PIWIL4: variants seen among roughly 807,000 people sequenced by gnomAD.
PIWIL4 encodes the protein piwi like RNA-mediated gene silencing 4.
Under a neutral mutation model 100.9 loss-of-function variants are expected in PIWIL4, and 50 were observed. The observed-to-expected ratio is 0.50, with a 90% CI of 0.39 to 0.63. The LOEUF is 0.63. Among genes scored for constraint, PIWIL4 ranks in the 20% least tolerant of loss-of-function variants. The pLI is 0.00. For missense variants in PIWIL4, 887 were observed against 1,043.3 expected, an observed-to-expected ratio of 0.85 and a Z score of 2.06; for synonymous variants, 342 against 367.5, an observed-to-expected ratio of 0.93 and a Z score of 0.79.
In PIWIL4 at chr11:94,587,139, G is replaced by A. The variant is rs200530015; in HGVS notation, c.806G>A (p.Arg269Gln). 136 of 1,613,964 alleles carry A rather than the reference G, an allele frequency of 8.4e-5. No homozygotes were observed. In the Admixed American group the frequency reaches 1.5e-3, roughly 18 times the overall value. The change falls in exon 7 of 20, where the codon CGG (arginine) becomes CAG (glutamine). Residue 269 changes from arginine (R) to glutamine (Q), a missense_variant. This residue lies in a region of PIWIL4 where 741 missense variants were observed against 930.0 expected (regional missense o/e 0.80). Coordinates refer to ENST00000299001, the MANE Select transcript of PIWIL4 (RefSeq NM_152431.3). ...FSADVSYKVL[R>Q]NETVLEFMTA... ...GCTGATGTGAGTTACAAAGTCCTCC[G>A]GAATGAGACGGTTCTGGAATTCATG...
chr11:94,607,634 A>G lies in PIWIL4; in HGVS notation c.1834A>G (p.Ile612Val). The G allele has an allele frequency of 6.2e-7, 1 of 1,613,986 alleles. No homozygotes were observed. The highest frequency in any genetic ancestry group is 8.5e-7 in the Non-Finnish European group (1 of 1,179,920). Residue 612 changes from isoleucine to valine, a missense_variant, in exon 14 of 20, where the codon ATA (isoleucine) becomes GTA (valine). By Grantham distance (29) the Ile-to-Val change is conservative. This residue lies in a region of PIWIL4 where 741 missense variants were observed against 930.0 expected (regional missense o/e 0.80). Coordinates refer to ENST00000299001, the MANE Select transcript of PIWIL4 (RefSeq NM_152431.3). The part of the protein sequence containing the change: ...KLGGELWAVE[I>V]PLKSLMVVGI... ...CGGAGGCGAGCTGTGGGCTGTGGAA[A>G]TACCTGTAAGGACCCTGTCACATTT...
chr11:94,586,504 T>C (rs1181344641), intron 6 of PIWIL4, among the ~76,000 whole-genome samples: 2 of 152,214 alleles, frequency 1.3e-5, no homozygotes, highest in South Asian at 2.1e-4. Context: ...ACTTTTGTAT[T>C]TTTTAATCTC....
At chr11:94,581,089 G>A (rs140027080) in intron 4 of PIWIL4, among the ~76,000 whole-genome samples, 19 of 151,890 alleles carry the variant, frequency 1.3e-4, no homozygotes, top group African/African-American at 4.6e-4. Flanking sequence ...TAGTAGAGAC[G>A]CGGTTTCACC....
At chr11:94,599,799 A>G (rs760898394) in intron 11 of PIWIL4, among the ~76,000 whole-genome samples, 10 of 152,216 alleles carry the variant, frequency 6.6e-5, no homozygotes, top group Non-Finnish European at 1.3e-4. Flanking sequence ...ATAACCTCTC[A>G]GTCACAGCTT....
At chr11:94,571,738 A>G (rs1163078611) in intron 2 of PIWIL4, among the ~76,000 whole-genome samples, 1 of 152,228 alleles carries the variant, frequency 6.6e-6, no homozygotes, top group Non-Finnish European at 1.5e-5. Flanking sequence ...TAGTGCCACA[A>G]TAAACATACG....
At chr11:94,613,331 C>T (rs980451987) in intron 15 of PIWIL4, among the ~76,000 whole-genome samples, 1 of 152,168 alleles carries the variant, frequency 6.6e-6, no homozygotes, top group Non-Finnish European at 1.5e-5. Flanking sequence ...CTGCTGATAG[C>T]CTATGAGGGT....
At chr11:94,591,025 G>A (rs565776970) in intron 8 of PIWIL4, among the ~76,000 whole-genome samples, 3 of 150,248 alleles carry the variant, frequency 2.0e-5, no homozygotes, top group Non-Finnish European at 4.4e-5. Flanking sequence ...CTACCTTCAT[G>A]GTGTAGTGTA....
chr11:94,613,363 C>G (rs573583180), intron 15 of PIWIL4, among the ~76,000 whole-genome samples: 1 of 152,280 alleles, frequency 6.6e-6, no homozygotes, highest in African/African-American at 2.4e-5. Flanking sequence ...TAATAAGCCT[C>G]TCTTCTTGCT....
intron 11 of PIWIL4, among the ~76,000 whole-genome samples, chr11:94,599,506 G>T (rs868329062): frequency 6.6e-6 from 1 of 152,226 alleles, no homozygotes; most frequent in African/African-American, 2.4e-5. Context: ...ACAGCAGGAA[G>T]AAATGTTGTG....
chr11:94,604,052 A>C lies in PIWIL4; in HGVS notation c.1634A>C (p.Gln545Pro), dbSNP rs760065387. Residue 545 changes from glutamine (Q) to proline (P), a missense_variant, in exon 13 of 20, where the codon CAG becomes CCG. By Grantham distance (76) the Gln-to-Pro change is moderately conservative. This residue lies in a region of PIWIL4 where 741 missense variants were observed against 930.0 expected (regional missense o/e 0.80). Coordinates refer to ENST00000299001, the MANE Select transcript of PIWIL4 (RefSeq NM_152431.3). Reference protein sequence around the residue: ...AIQQYVDPDVQLVMCILPSNQ... With the variant: ...AIQQYVDPDVPLVMCILPSNQ... ...CAGCAATATGTTGATCCTGATGTTC[A>C]GCTGGTAAGTACAGGATACTTTTTG... 1 of 1,599,074 alleles carries C rather than the reference A, an allele frequency of 6.3e-7. No individual in the cohort carries two copies. The highest frequency in any genetic ancestry group is 1.1e-5 in the South Asian group (1 of 89,754).
intron 9 of PIWIL4, among the ~76,000 whole-genome samples, chr11:94,594,230 G>A (rs2135271202): frequency 6.6e-6 from 1 of 152,158 alleles, no homozygotes; most frequent in East Asian, 2.0e-4. Flanking sequence ...ATTTTGGGAG[G>A]CCAAGGCGGG....
intron 5 of PIWIL4, among the ~76,000 whole-genome samples, chr11:94,583,788 AAG>A (rs1948359621): frequency 1.3e-5 from 2 of 152,190 alleles, no homozygotes; most frequent in African/African-American, 4.8e-5. Context: ...GTATTGTCCT[AAG>A]TTGAGACAAA....
At chr11:94,612,670 T>G (rs1443507785) in intron 15 of PIWIL4, among the ~76,000 whole-genome samples, 2 of 152,186 alleles carry the variant, frequency 1.3e-5, no homozygotes, top group Non-Finnish European at 2.9e-5. Context: ...TGCAATAGTA[T>G]GCTTTACTCC....
chr11:94,609,383 C>G (rs2135295508), intron 15 of PIWIL4, among the ~76,000 whole-genome samples: 1 of 152,266 alleles, frequency 6.6e-6, no homozygotes, highest in South Asian at 2.1e-4. Context: ...ATTGTTTCCA[C>G]CTTTGTAATT....
chr11:94,579,399 A>G (rs2135246672), intron 4 of PIWIL4, among the ~76,000 whole-genome samples: 1 of 151,866 alleles, frequency 6.6e-6, no homozygotes, highest in African/African-American at 2.4e-5. Context: ...TTCTAAAACA[A>G]TGTTACAATT....
At position 94,607,576 on chromosome 11, in the gene PIWIL4, C is replaced by T; in HGVS notation, c.1776C>T (p.Ala592=). The change falls in exon 14 of 20, where the codon GCC becomes GCT. Residue 592 remains alanine, a synonymous_variant. Transcript: ENST00000299001. ...LNKQGMMMSI[A]TKIAMQMTCK... ...AACAGGGCATGATGATGAGTATCGC[C>T]ACCAAGATCGCTATGCAGATGACTT... The T allele has an allele frequency of 6.2e-7, 1 of 1,613,956 alleles. No homozygotes were observed. Among genetic ancestry groups the T allele is most frequent in the East Asian group, 2.2e-5 (1 of 44,882 alleles).
intron 15 of PIWIL4, among the ~76,000 whole-genome samples, chr11:94,610,108 A>G (rs1371105487): frequency 1.3e-5 from 2 of 152,256 alleles, no homozygotes; most frequent in African/African-American, 2.4e-5. Flanking sequence ...GATACCACAT[A>G]TAAGTGATCG....
intron 7 of PIWIL4, 100 bp downstream of exon 7, chr11:94,587,347 C>G: frequency 4.1e-6 from 5 of 1,215,070 alleles, no homozygotes; most frequent in Non-Finnish European, 5.7e-6. Flanking sequence ...TATCACAGAT[C>G]TAATCCATTT....
chr11:94,595,502 C>T, intron 10 of PIWIL4, 76 bp downstream of exon 10: 1 of 1,118,194 alleles, frequency 8.9e-7, no homozygotes, highest in Non-Finnish European at 1.3e-6. Context: ...CTGATATATT[C>T]CTTGAAGGAA....
Sources: gnomAD v4.1 joint callset for allele counts (sites outside exome capture counted in the v4.1 genomes callset) on GRCh38, gnomAD v4.1.1 for gene constraint, gnomAD v4.1.1 regional missense constraint, MANE v1.5 for transcripts, NCBI Gene and HGNC (gene_info 2026-07-23, HGNC 2026-07-21) for gene names.